Variants in ZNF536 observed in about 807,000 individuals in gnomAD.
The protein encoded by ZNF536 is zinc finger protein 536.
ZNF536 carries 13 observed loss-of-function variants against 84.5 expected under a neutral mutation model. The observed-to-expected ratio is 0.15, with a 90% confidence interval of 0.10 to 0.24. The LOEUF is 0.24. ZNF536 is among the 10% of genes least tolerant of loss of function. The pLI is 1.00. For synonymous variants in ZNF536, 811 were observed against 742.5 expected (o/e 1.09, Z -1.50); for missense variants, 1,536 against 1,747.5 (o/e 0.88, Z 2.16).
chr19:30,227,739 A>AGCCGCCGCC (rs532344713), upstream of ZNF536, among the ~76,000 whole-genome samples: 4 of 150,056 alleles, frequency 2.7e-5, no homozygotes, highest in Non-Finnish European at 4.4e-5. Context: ...TTCTCCCGGC[A>AGCCGCCGCC]GCCGCCGCCG....
intron 1 of ZNF536, among the ~76,000 whole-genome samples, chr19:30,631,463 G>A (rs894150866): frequency 6.6e-6 from 1 of 152,210 alleles, no homozygotes; most frequent in African/African-American, 2.4e-5. Context: ...CAAACGGGTT[G>A]GCTTTCCAGA....
intron 1 of ZNF536, among the ~76,000 whole-genome samples, chr19:30,628,980 G>A (rs2048790612): frequency 6.6e-6 from 1 of 152,176 alleles, no homozygotes. Flanking sequence ...TGGAATTATA[G>A]GCATGGGCCA....
At chr19:30,348,898 T>G (rs923923108) in intron 2 of ZNF536, among the ~76,000 whole-genome samples, 2 of 151,616 alleles carry the variant, frequency 1.3e-5, no homozygotes, top group African/African-American at 4.8e-5. Context: ...TGAGAACCCA[T>G]ATTTGAAAGC....
intron 2 of ZNF536, among the ~76,000 whole-genome samples, chr19:30,481,248 G>A (rs1323175854): frequency 6.6e-6 from 1 of 152,152 alleles, no homozygotes; most frequent in Non-Finnish European, 1.5e-5. Context: ...GTGCATGTGT[G>A]TGTATACATG....
At position 30,445,925 on chromosome 19, in the gene ZNF536, A is replaced by G. The variant is rs1444212106; in HGVS notation, c.2170+193A>G. 2.6e-5 allele frequency among the ~76,000 whole-genome samples: 4 copies of G among 151,990 alleles called. No individual in the cohort carries two copies. The highest frequency in any genetic ancestry group is 5.9e-5 in the Non-Finnish European group (4 of 67,966). On this transcript the variant is annotated intron_variant, in intron 2 of 4. Transcript: ENST00000355537. This position sits in a 1 kb window ranked among gnomAD's most constrained non-coding sequence, Gnocchi z 4.5. Reference sequence around the variant, plus strand: ...GGAAAGGGCCGTCCTTTCACCTCTTAGGCCTTCCCTTGAACACTGGCTACC... The same window carrying G: ...GGAAAGGGCCGTCCTTTCACCTCTTGGGCCTTCCCTTGAACACTGGCTACC...
At chr19:30,623,862 TG>T (rs1047987898) in intron 1 of ZNF536, among the ~76,000 whole-genome samples, 10 of 152,226 alleles carry the variant, frequency 6.6e-5, no homozygotes, top group African/African-American at 1.7e-4. Flanking sequence ...TGTCTGGTAC[TG>T]GAGGGGCCTC....
At chr19:30,418,252 G>A (rs564677420) in intron 1 of ZNF536, among the ~76,000 whole-genome samples, 1 of 151,864 alleles carries the variant, frequency 6.6e-6, no homozygotes, top group South Asian at 2.1e-4. Flanking sequence ...GAGCATTCCT[G>A]GTGTCCTGTT....
At chr19:30,531,066 T>G (rs2044793676) in intron 2 of ZNF536, among the ~76,000 whole-genome samples, 1 of 152,204 alleles carries the variant, frequency 6.6e-6, no homozygotes, top group Non-Finnish European at 1.5e-5. Flanking sequence ...TCATCTTCTC[T>G]CAGCATGATT....
rs1359141076 is a variant in ZNF536, at chr19:30,347,553, G to T, written c.-119-4815G>T. Among the ~76,000 whole-genome samples the T allele has an allele frequency of 2.0e-5, 3 of 152,198 alleles. 1 individual carries two copies. Among genetic ancestry groups the T allele is most frequent in the African/African-American group, 7.2e-5 (3 of 41,456 alleles). On this transcript the variant is annotated intron_variant, in intron 2 of 5. Coordinates refer to the ZNF536 transcript ENST00000585628. ...TTATGATCTCCATTCTACAGATGAA[G>T]AAATGGAGGCTCGGGGTCAGGATGT...
intron 1 of ZNF536, among the ~76,000 whole-genome samples, chr19:30,694,518 G>A (rs2051570141): frequency 1.3e-5 from 2 of 152,210 alleles, no homozygotes; most frequent in Admixed American, 6.5e-5. Flanking sequence ...TGCCTGGGAA[G>A]TAAATGGGTG....
At chr19:30,615,269 A>G (rs532235133) in intron 1 of ZNF536, among the ~76,000 whole-genome samples, 1 of 151,964 alleles carries the variant, frequency 6.6e-6, no homozygotes, top group East Asian at 1.9e-4. Context: ...TAGATCCTTA[A>G]CCATCTTCCT....
intron 2 of ZNF536, among the ~76,000 whole-genome samples, chr19:30,529,238 C>T (rs1214972622): frequency 6.6e-6 from 1 of 152,016 alleles, no homozygotes; most frequent in Non-Finnish European, 1.5e-5. Flanking sequence ...TTTTAATATC[C>T]CAAACATATT....
intron 2 of ZNF536, among the ~76,000 whole-genome samples, chr19:30,311,396 G>A (rs924966168): frequency 2.6e-5 from 4 of 152,218 alleles, no homozygotes. Flanking sequence ...AAAGTTCTGA[G>A]ATTTAATATT....
At chr19:30,680,003 C>T (rs568947052) in intron 1 of ZNF536, among the ~76,000 whole-genome samples, 16 of 152,052 alleles carry the variant, frequency 1.1e-4, no homozygotes, top group African/African-American at 3.6e-4. Flanking sequence ...TGGGAAAAAC[C>T]CAGGCCAGGG....
At chr19:30,425,272 T>C (rs1314066234) in intron 1 of ZNF536, among the ~76,000 whole-genome samples, 1 of 148,656 alleles carries the variant, frequency 6.7e-6, no homozygotes, top group African/African-American at 2.5e-5. Context: ...AGTGCCTTAG[T>C]GTGATCATGG....
At chr19:30,373,687 G>C (rs1186014994) in intron 1 of ZNF536, among the ~76,000 whole-genome samples, 1 of 152,220 alleles carries the variant, frequency 6.6e-6, no homozygotes, top group Non-Finnish European at 1.5e-5. Flanking sequence ...ATTGCATTTA[G>C]GGACTGCTGT....
chr19:30,343,966 G>C (rs1228659454), intron 2 of ZNF536, among the ~76,000 whole-genome samples: 7 of 152,072 alleles, frequency 4.6e-5, no homozygotes, highest in African/African-American at 1.4e-4. Context: ...TAAGGTAATA[G>C]CTTGGTGTAA....
chr19:30,438,043 G>A (rs1036990677), intron 1 of ZNF536, among the ~76,000 whole-genome samples: 1 of 152,138 alleles, frequency 6.6e-6, no homozygotes, highest in Non-Finnish European at 1.5e-5. Context: ...TGACTGCCCA[G>A]TTGCCTTAAG....
At chr19:30,332,987 C>T (rs1046318959) in intron 2 of ZNF536, among the ~76,000 whole-genome samples, 8 of 152,008 alleles carry the variant, frequency 5.3e-5, no homozygotes, top group South Asian at 2.1e-4. Context: ...GAGGCTGAGG[C>T]GGGAGGATAG....
Sources: gnomAD v4.1 joint callset for allele counts (sites outside exome capture counted in the v4.1 genomes callset) on GRCh38, gnomAD v4.1.1 for gene constraint, Gnocchi (gnomAD v3.1) non-coding constraint, MANE v1.5 for transcripts, NCBI Gene and HGNC (gene_info 2026-07-23, HGNC 2026-07-21) for gene names.